ANKRD13C: variants seen among roughly 807,000 people sequenced by gnomAD.
ANKRD13C encodes the protein ankyrin repeat domain 13C, also known as ankyrin repeat domain-containing protein 13C.
A neutral mutation model predicts 65.5 loss-of-function variants in ANKRD13C; 16 were observed. The observed-to-expected ratio is 0.24, with a 90% CI of 0.17 to 0.37. The LOEUF is 0.37. Among genes scored for constraint, ANKRD13C ranks in the 10% least tolerant of loss-of-function variants. The pLI, the probability that ANKRD13C is intolerant of heterozygous loss-of-function variation, is 1.00. For missense variants in ANKRD13C, 503 were observed against 655.9 expected, an observed-to-expected ratio of 0.77 and a Z score of 2.55; for synonymous variants, 235 against 238.7, an observed-to-expected ratio of 0.98 and a Z score of 0.14.
intron 2 of ANKRD13C, among the ~76,000 whole-genome samples, chr1:70,331,631 C>G (rs1681801871): frequency 2.6e-5 from 4 of 151,906 alleles, no homozygotes; most frequent in African/African-American, 9.7e-5. Flanking sequence ...CACCTGAGGT[C>G]AGGAGTTTGA....
intron 12 of ANKRD13C, among the ~76,000 whole-genome samples, chr1:70,270,157 G>A (rs1168097001): frequency 6.6e-6 from 1 of 152,174 alleles, no homozygotes; most frequent in Non-Finnish European, 1.5e-5. Context: ...AACAGTAACT[G>A]CTTACTCCAG....
chr1:70,354,218 T>C lies in ANKRD13C; in HGVS notation c.191A>G (p.Lys64Arg). The change falls in exon 1 of 13, where the codon AAG becomes AGG. Residue 64 changes from lysine (K) to arginine (R), a missense_variant. By Grantham distance (26) the Lys-to-Arg change is conservative. Around this residue, in one of 2 missense-constraint regions of ANKRD13C, gnomAD observed 203 missense variants for 177.6 expected, o/e 1.14. Transcript: ENST00000370944. ...GGGATTGGAGGAGGCCGGAGCTGCCTTCAGCTGTAGCCGGTGGTGATGGTT... is the reference window on the plus strand; with the variant it reads ...GGGATTGGAGGAGGCCGGAGCTGCCCTCAGCTGTAGCCGGTGGTGATGGTT... ...FSNHHHRLQL[K>R]AAPASSNPPG... 3 of 1,613,650 alleles carry C rather than the reference T, an allele frequency of 1.9e-6. No individual in the cohort carries two copies. The highest frequency in any genetic ancestry group is 2.5e-6 in the Non-Finnish European group (3 of 1,180,020).
chr1:70,290,172 T>C (rs907910885), intron 9 of ANKRD13C, among the ~76,000 whole-genome samples: 2 of 152,228 alleles, frequency 1.3e-5, no homozygotes, highest in Non-Finnish European at 2.9e-5. Flanking sequence ...TTTTACATAA[T>C]GTACTCAACT....
chr1:70,321,156 A>G (rs1419529868), intron 3 of ANKRD13C, among the ~76,000 whole-genome samples: 1 of 152,212 alleles, frequency 6.6e-6, no homozygotes, highest in Non-Finnish European at 1.5e-5. Flanking sequence ...CAAATATTGT[A>G]CCAGAGATAA....
At chr1:70,276,139 G>A (rs572147237) in intron 10 of ANKRD13C, among the ~76,000 whole-genome samples, 10 of 152,016 alleles carry the variant, frequency 6.6e-5, no homozygotes, top group African/African-American at 1.9e-4. Context: ...GGTTGGCCAG[G>A]ATACACTTTT....
Position 70,264,058 on chromosome 1 carries a change from C to T in ANKRD13C, c.1496-1211G>A, listed in dbSNP as rs140589467. 1.3e-3 allele frequency among the ~76,000 whole-genome samples: 198 copies of T among 152,258 alleles called. 5 individuals are homozygous for T. The highest frequency in any genetic ancestry group is 0.01 in the East Asian group (54 of 5,182). On this transcript the variant is annotated intron_variant, in intron 12 of 12. Transcript: ENST00000370944. ...CCTTTGTACCTACTATATGCAGATG[C>T]TATCCTAATCCAGGGGTCTGTACAC...
At chr1:70,345,888 G>A (rs1248326098) in intron 1 of ANKRD13C, among the ~76,000 whole-genome samples, 1 of 152,136 alleles carries the variant, frequency 6.6e-6, no homozygotes, top group East Asian at 1.9e-4. Context: ...TAGTTTGTCT[G>A]TAAACTGTTC....
intron 3 of ANKRD13C, among the ~76,000 whole-genome samples, chr1:70,321,967 G>A (rs1681326902): frequency 6.6e-6 from 1 of 152,144 alleles, no homozygotes; most frequent in Non-Finnish European, 1.5e-5. Flanking sequence ...AAATGTTAAT[G>A]TAACACAAGC....
intron 3 of ANKRD13C, among the ~76,000 whole-genome samples, chr1:70,321,645 G>T (rs911368103): frequency 1.7e-4 from 26 of 152,282 alleles, no homozygotes; most frequent in South Asian, 4.1e-4. Flanking sequence ...GGAACCATGG[G>T]TGAGGGATAA....
At chr1:70,307,784 A>T (rs527254476) in intron 5 of ANKRD13C, among the ~76,000 whole-genome samples, 45 of 152,058 alleles carry the variant, frequency 3.0e-4, no homozygotes, top group Non-Finnish European at 1.5e-4. Context: ...TCTCTACAAA[A>T]ATAAAAATAG....
chr1:70,302,211 C>T (rs983183959), intron 6 of ANKRD13C, among the ~76,000 whole-genome samples: 1 of 150,694 alleles, frequency 6.6e-6, no homozygotes, highest in Admixed American at 6.7e-5. Flanking sequence ...ACAATTCTGC[C>T]AGGAAAACAG....
intron 9 of ANKRD13C, among the ~76,000 whole-genome samples, chr1:70,284,978 T>G (rs1206164407): frequency 1.3e-5 from 2 of 152,122 alleles, no homozygotes; most frequent in African/African-American, 4.8e-5. Flanking sequence ...CAACTCAGAA[T>G]AGGCCACTGG....
Position 70,354,372 on chromosome 1 carries a change from G to A in ANKRD13C, c.37C>T (p.His13Tyr), listed in dbSNP as rs575453993. Residue 13 changes from histidine (H) to tyrosine (Y), a missense_variant, in exon 1 of 13, where the codon CAC (histidine) becomes TAC (tyrosine). Coordinates refer to ENST00000370944, the MANE Select transcript of ANKRD13C (RefSeq NM_030816.5). Reference protein sequence around the residue: ...GEKIRSLRRDHKPSKEEGDLL... With the variant: ...GEKIRSLRRDYKPSKEEGDLL... ...TCCCCTTCTTCTTTGCTGGGCTTGTGGTCCCTCCGCAGTGAGCGGATCTTC... is the reference window on the plus strand; with the variant it reads ...TCCCCTTCTTCTTTGCTGGGCTTGTAGTCCCTCCGCAGTGAGCGGATCTTC... 3 of 1,614,022 alleles carry A rather than the reference G, an allele frequency of 1.9e-6. No homozygotes were observed. The East Asian group carries it at 6.7e-5, about 36-fold the overall frequency.
intron 1 of ANKRD13C, among the ~76,000 whole-genome samples, chr1:70,351,652 G>A (rs539158283): frequency 3.3e-5 from 5 of 152,154 alleles, no homozygotes; most frequent in Admixed American, 6.5e-5. Flanking sequence ...CACCCACCTC[G>A]GCCTCTCAAA....
intron 5 of ANKRD13C, among the ~76,000 whole-genome samples, chr1:70,309,061 T>C (rs79272234): frequency 6.6e-6 from 1 of 151,324 alleles, no homozygotes; most frequent in East Asian, 2.0e-4. Flanking sequence ...TTTTTTTTTT[T>C]AGACAGAGTG....
chr1:70,335,769 A>G (rs535527766), intron 2 of ANKRD13C, among the ~76,000 whole-genome samples: 1 of 150,878 alleles, frequency 6.6e-6, no homozygotes, highest in Non-Finnish European at 1.5e-5. Context: ...AATATTTGGA[A>G]ATAAGTCTTC....
At chr1:70,301,180 T>C (rs3795694) in intron 6 of ANKRD13C, among the ~76,000 whole-genome samples, 36,462 of 146,698 alleles carry the variant, frequency 0.25, 4,852 homozygotes, top group East Asian at 0.4. Flanking sequence ...TACACACACA[T>C]ATATATATAT....
intron 11 of ANKRD13C, among the ~76,000 whole-genome samples, chr1:70,274,119 T>A (rs1051670975): frequency 4.6e-5 from 7 of 152,146 alleles, no homozygotes; most frequent in Non-Finnish European, 7.3e-5. Flanking sequence ...ATTCTGTAAA[T>A]TTCCATACTT....
chr1:70,266,240 T>C (rs1678626346), intron 12 of ANKRD13C, among the ~76,000 whole-genome samples: 2 of 152,206 alleles, frequency 1.3e-5, no homozygotes, highest in South Asian at 4.1e-4. Flanking sequence ...TCATACAGTA[T>C]CTAATTTTTG....
Sources: gnomAD v4.1 joint callset for allele counts (sites outside exome capture counted in the v4.1 genomes callset) on GRCh38, gnomAD v4.1.1 for gene constraint, gnomAD v4.1.1 regional missense constraint, MANE v1.5 for transcripts, NCBI Gene and HGNC (gene_info 2026-07-23, HGNC 2026-07-21) for gene names.